DNAH2: variants seen among roughly 807,000 people sequenced by gnomAD.
The protein encoded by DNAH2 is dynein axonemal heavy chain 2.
In DNAH2, 323 loss-of-function variants were observed where a neutral mutation model predicts 523.5. The ratio of observed to expected loss-of-function variants is 0.62; its 90% confidence interval spans 0.56 to 0.68. The LOEUF is 0.68. DNAH2 is among the 30% of genes least tolerant of loss of function. DNAH2 has a pLI of 0.00. For synonymous variants in DNAH2, 2,093 were observed against 2,177.4 expected, an observed-to-expected ratio of 0.96 and a Z score of 1.08; for missense variants, 4,907 against 5,701.5, an observed-to-expected ratio of 0.86 and a Z score of 4.49.
At position 7,740,546 on chromosome 17, in the gene DNAH2, C is replaced by T. The variant is rs374548181; in HGVS notation, c.1503C>T (p.Arg501=). Residue 501 remains arginine (R), a synonymous_variant, in exon 10 of 86, where the codon CGC becomes CGT. Transcript: ENST00000572933. ...ACACCTTCCACAGGCTTGCCTCCCGCGAGGTGCGGCTGCCCCGCGGCTTCC... is the reference window on the plus strand; with the variant it reads ...ACACCTTCCACAGGCTTGCCTCCCGTGAGGTGCGGCTGCCCCGCGGCTTCC... ...LLDTFHRLAS[R]EAIKRTYDKK... 12 of 1,613,168 alleles carry T rather than the reference C, an allele frequency of 7.4e-6. No homozygotes were observed. The highest frequency in any genetic ancestry group is 1.3e-5 in the African/African-American group (1 of 74,940).
Position 7,718,615 on chromosome 17 carries a change from A to C in DNAH2, c.-199A>C, listed in dbSNP as rs1433628980. 1 of 152,516 alleles carries C rather than the reference A, an allele frequency of 6.6e-6. No individual in the cohort carries two copies. Among genetic ancestry groups the C allele is most frequent in the Non-Finnish European group, 1.5e-5 (1 of 68,050 alleles). The allele number at this position is 152,516 out of a possible 1,614,324, so 9.4% of individuals were successfully genotyped here. A position where few individuals can be genotyped will look rare whatever the true frequency, so the allele number is the denominator to read the frequency against. ...CTTTTTCCTCATGACACAATTTGAA[A>C]TTTATGATTGGATGACTTTTGTCCT... On this transcript the variant is annotated 5_prime_UTR_variant, in exon 1 of 86. Coordinates refer to ENST00000572933, the MANE Select transcript of DNAH2 (RefSeq NM_020877.5).
In DNAH2 at chr17:7,733,290, G is replaced by T. The variant is rs377473397; in HGVS notation, c.603G>T (p.Leu201=). The T allele has an allele frequency of 3.7e-5, 59 of 1,613,952 alleles. No individual in the cohort carries two copies. The highest frequency in any genetic ancestry group is 4.7e-5 in the Non-Finnish European group (55 of 1,180,028). Residue 201 remains leucine (L), a synonymous_variant, in exon 5 of 86, where the codon CTG becomes CTT. Coordinates refer to ENST00000572933, the MANE Select transcript of DNAH2 (RefSeq NM_020877.5). The part of the protein sequence containing the change: ...ESIRNHFASH[L]HKFLACLTDT... ...TTAGAAATCATTTTGCTTCTCATCTGCACAAGTTCTTGGCCTGCCTGACAG... is the reference window on the plus strand; with the variant it reads ...TTAGAAATCATTTTGCTTCTCATCTTCACAAGTTCTTGGCCTGCCTGACAG...
At chr17:7,782,384 A>G (rs1384275652) in intron 39 of DNAH2, among the ~76,000 whole-genome samples, 2 of 152,230 alleles carry the variant, frequency 1.3e-5, no homozygotes, top group Admixed American at 6.5e-5. Context: ...TCCAGTCATC[A>G]TTTATCCTAC....
intron 8 of DNAH2, chr17:7,738,960 C>G: frequency 1.4e-6 from 1 of 702,784 alleles, no homozygotes; most frequent in South Asian, 1.5e-5. Context: ...TAGATCAGAC[C>G]AGCATCTTTG....
rs143107169 is a variant in DNAH2, at chr17:7,753,929, C to T, written c.1905-3162C>T. 1.1e-4 allele frequency among the ~76,000 whole-genome samples: 16 copies of T among 152,192 alleles called. 1 individual carries two copies. The highest frequency in any genetic ancestry group is 3.9e-4 in the East Asian group (2 of 5,174). On this transcript the variant is annotated intron_variant, in intron 12 of 85. Coordinates refer to ENST00000572933, the MANE Select transcript of DNAH2 (RefSeq NM_020877.5). ...CACCACTGCACTCCAGCCTGGGCGA[C>T]GGAGCAAGACTCCATCTCAAAAACA...
Position 7,814,415 on chromosome 17 carries a change from T to A in DNAH2, c.9730-2156T>A, listed in dbSNP as rs2151317035. Among the ~76,000 whole-genome samples, 3 of 152,340 alleles carry A rather than the reference T, an allele frequency of 2.0e-5. No homozygotes were observed. The East Asian group carries it at 5.8e-4, about 29-fold the overall frequency. ...AATATATATAGCAAAATGTTAACTG[T>A]GAAATCTAGCTGATGGGTGTTTCTA... On this transcript the variant is annotated intron_variant, in intron 63 of 85. Transcript: ENST00000572933.
chr17:7,792,991 A>G lies in DNAH2; in HGVS notation c.7355A>G (p.Asn2452Ser). Residue 2452 changes from asparagine to serine, a missense_variant, in exon 48 of 86, where the codon AAT becomes AGT. This residue lies in a region of DNAH2 where 2,806 missense variants were observed against 3,190.8 expected (regional missense o/e 0.88). Coordinates refer to ENST00000572933, the MANE Select transcript of DNAH2 (RefSeq NM_020877.5). ...GTACCTTTTCACCAGACCACATCCA[A>G]TAACGTGCAGAGCATCATTGAGAGC... ...VVNMSAQTTS[N>S]NVQSIIESRV... 1.2e-6 allele frequency: 2 copies of G among 1,610,580 alleles called. No individual in the cohort carries two copies. Among genetic ancestry groups the G allele is most frequent in the South Asian group, 2.2e-5 (2 of 91,008 alleles).
At chr17:7,793,509 T>TC (rs1567709626) in intron 48 of DNAH2, among the ~76,000 whole-genome samples, 3 of 130,814 alleles carry the variant, frequency 2.3e-5, no homozygotes, top group Admixed American at 7.8e-5. Context: ...CTTTCTTTCT[T>TC]TCTTTCTTCT....
intron 36 of DNAH2, among the ~76,000 whole-genome samples, chr17:7,779,790 G>C (rs1263681848): frequency 6.6e-6 from 1 of 152,154 alleles, no homozygotes; most frequent in East Asian, 1.9e-4. Context: ...TGGGGGAAGG[G>C]TCTAGGACAG....
chr17:7,745,518 A>T (rs866864198), intron 12 of DNAH2, among the ~76,000 whole-genome samples: 37 of 151,660 alleles, frequency 2.4e-4, no homozygotes, highest in East Asian at 3.9e-4. Context: ...AGTTAAATTT[A>T]AAAAAAATGC....
chr17:7,722,010 T>C (rs1057386857), intron 2 of DNAH2, among the ~76,000 whole-genome samples: 19 of 152,178 alleles, frequency 1.2e-4, no homozygotes, highest in Non-Finnish European at 2.4e-4. Context: ...TTTATTTTTA[T>C]TTTTTGGAGA....
chr17:7,793,130 C>T lies in DNAH2; in HGVS notation c.7494C>T (p.Pro2498=). Residue 2498 remains proline, a synonymous_variant, in exon 48 of 86, where the codon CCC becomes CCT. Transcript: ENST00000572933. ...AGGACATGTTTGGGTCCCAGCCACC[C>T]CTGGAGCTGATCCGCCTCTGGATTG... ...PAKDMFGSQP[P]LELIRLWIDY... 1.2e-6 allele frequency: 2 copies of T among 1,614,220 alleles called. No homozygotes were observed. Among genetic ancestry groups the T allele is most frequent in the Non-Finnish European group, 1.7e-6 (2 of 1,180,042 alleles).
rs1393373029 is a variant in DNAH2 at position 7,717,752 on chromosome 17, C to G, written c.-1062C>G. 6.6e-6 allele frequency: 1 copy of G among 152,206 alleles called. No homozygotes were observed. The highest frequency in any genetic ancestry group is 1.5e-5 in the Non-Finnish European group (1 of 68,044). 9.4% of individuals were successfully genotyped at this position (152,206 alleles called of 1,614,324 possible). A position where few individuals can be genotyped will look rare whatever the true frequency, so the allele number is the denominator to read the frequency against. On this transcript the variant is annotated 5_prime_UTR_variant, in exon 1 of 86. Coordinates refer to ENST00000572933, the MANE Select transcript of DNAH2 (RefSeq NM_020877.5). ...TTGCCATGGGGACGCGTGCAGACGC[C>G]GGCCCGAGAGGGCTGCGAGGGGCAA...
At chr17:7,792,453 G>C in intron 46 of DNAH2, 110 bp downstream of exon 46, 1 of 1,223,972 alleles carries the variant, frequency 8.2e-7, no homozygotes, top group South Asian at 1.3e-5. Context: ...GGAGAAGGTG[G>C]GTCCCAGAGA....
Position 7,723,727 on chromosome 17 carries a change from C to T in DNAH2, c.228+38C>T, listed in dbSNP as rs769442577. 7 of 1,575,026 alleles carry T rather than the reference C, an allele frequency of 4.4e-6. No homozygotes were observed. The African/African-American group carries it at 9.4e-5, about 21-fold the overall frequency. On this transcript the variant is annotated intron_variant, in intron 3 of 85. Coordinates refer to ENST00000572933, the MANE Select transcript of DNAH2 (RefSeq NM_020877.5). The stretch of plus-strand genomic sequence containing the variant: ...CTTCCCTGTGGCAGATATTCCTCCC[C>T]CAAAACTGGTGAATCAAAGGATCAG...
chr17:7,759,500 T>A lies in DNAH2; in HGVS notation c.2527T>A (p.Ser843Thr), dbSNP rs780832547. Residue 843 changes from serine (S) to threonine (T), a missense_variant, in exon 16 of 86, where the codon TCA becomes ACA. Transcript: ENST00000572933. Reference protein sequence around the residue: ...EDALRLNVKWSLLELSKAING... With the variant: ...EDALRLNVKWTLLELSKAING... ...TGCCCTGCGCCTGAATGTGAAGTGG[T>A]CACTGCTAGAACTATCCAAGGCTAT... 2 of 1,614,108 alleles carry A rather than the reference T, an allele frequency of 1.2e-6. No individual in the cohort carries two copies. Among genetic ancestry groups the A allele is most frequent in the Non-Finnish European group, 1.7e-6 (2 of 1,180,036 alleles).
chr17:7,824,224 C>G lies in DNAH2; in HGVS notation c.11582C>G (p.Ala3861Gly). The stretch of plus-strand genomic sequence containing the variant: ...CAGCTGGCAGAGCACATGGGCATGG[C>G]CCAGCGCTTCCACGCCCTGTCCCTG... ...LLQLAEHMGM[A>G]QRFHALSLGQ... The change falls in exon 76 of 86, where the codon GCC (alanine) becomes GGC (glycine). Residue 3861 changes from alanine (A) to glycine (G), a missense_variant. This residue lies in a region of DNAH2 where 1,851 missense variants were observed against 2,139.4 expected (regional missense o/e 0.87). Coordinates refer to ENST00000572933, the MANE Select transcript of DNAH2 (RefSeq NM_020877.5). 6.2e-7 allele frequency: 1 copy of G among 1,606,536 alleles called. No individual in the cohort carries two copies. Among genetic ancestry groups the G allele is most frequent in the Non-Finnish European group, 8.5e-7 (1 of 1,177,534 alleles).
chr17:7,740,711 G>A, intron 10 of DNAH2, 99 bp from the exon 11 acceptor site: 1 of 1,531,950 alleles, frequency 6.5e-7, no homozygotes, highest in Non-Finnish European at 8.8e-7. Context: ...CCCCGGGAGT[G>A]TGACTCCCGC....
chr17:7,735,851 C>T (rs2075127297), intron 7 of DNAH2, among the ~76,000 whole-genome samples: 1 of 152,094 alleles, frequency 6.6e-6, no homozygotes, highest in Non-Finnish European at 1.5e-5. Flanking sequence ...CTCCTGGGTT[C>T]AAGCGATTCT....
Sources: gnomAD v4.1 joint callset for allele counts (sites outside exome capture counted in the v4.1 genomes callset) on GRCh38, gnomAD v4.1.1 for gene constraint, gnomAD v4.1.1 regional missense constraint, MANE v1.5 for transcripts, NCBI Gene and HGNC (gene_info 2026-07-23, HGNC 2026-07-21) for gene names.